Variants in DAGLA observed in about 807,000 individuals in gnomAD.
DAGLA encodes diacylglycerol lipase alpha.
A neutral mutation model predicts 102.6 loss-of-function variants in DAGLA; 22 were observed. That is an observed-to-expected ratio of 0.21 (90% CI 0.15 to 0.31). The LOEUF is 0.31. Ranked by LOEUF, DAGLA falls within the 10% of genes least tolerant of loss-of-function variation. The pLI, the probability that DAGLA is intolerant of heterozygous loss-of-function variation, is 1.00. For missense variants in DAGLA, 927 were observed against 1,446.6 expected (o/e 0.64, Z 5.83); for synonymous variants, 578 against 628.9 (o/e 0.92, Z 1.21).
intron 6 of DAGLA, among the ~76,000 whole-genome samples, chr11:61,727,111 G>A (rs906981090): frequency 1.3e-5 from 2 of 152,228 alleles, no homozygotes; most frequent in African/African-American, 2.4e-5. Flanking sequence ...AGAGCCCCAC[G>A]GCAAAGGTCC....
In DAGLA at chr11:61,741,230, C is replaced by T. The variant is rs373949198; in HGVS notation, c.2052C>T (p.Thr684=). The change falls in exon 19 of 20, where the codon ACC becomes ACT. Residue 684 remains threonine, a synonymous_variant. Coordinates refer to ENST00000257215, the MANE Select transcript of DAGLA (RefSeq NM_006133.3). The part of the protein sequence containing the change: ...LSAAKVMVSP[T]EVDLTPELIF... The stretch of plus-strand genomic sequence containing the variant: ...CAGCCAAGGTCATGGTGAGCCCTAC[C>T]GAGGTGGACCTGACTCCTGAGCTCA... 15 of 1,613,392 alleles carry T rather than the reference C, an allele frequency of 9.3e-6. No homozygotes were observed. The highest frequency in any genetic ancestry group is 5.3e-5 in the African/African-American group (4 of 74,916).
At chr11:61,711,334 G>T (rs965634278) in intron 1 of DAGLA, among the ~76,000 whole-genome samples, 1 of 152,248 alleles carries the variant, frequency 6.6e-6, no homozygotes, top group African/African-American at 2.4e-5. Flanking sequence ...ATGTGGACGT[G>T]TGGGACAAGG....
In DAGLA at chr11:61,745,194, C is replaced by A; in HGVS notation, c.*705C>A. 1 of 153,294 alleles carries A rather than the reference C, an allele frequency of 6.5e-6. No individual in the cohort carries two copies. Among genetic ancestry groups the A allele is most frequent in the Non-Finnish European group, 1.5e-5 (1 of 68,682 alleles). 9.5% of individuals were successfully genotyped at this position (153,294 alleles called of 1,614,324 possible). ...TGTGCCTCTCATGCTGCCTCCTCTG[C>A]CCATGGGTCCTGGGCACCCAGGCCT... On this transcript the variant is annotated 3_prime_UTR_variant, in exon 20 of 20. Coordinates refer to ENST00000257215, the MANE Select transcript of DAGLA (RefSeq NM_006133.3).
chr11:61,702,344 C>G (rs2065115843), intron 1 of DAGLA, among the ~76,000 whole-genome samples: 1 of 152,180 alleles, frequency 6.6e-6, no homozygotes, highest in Non-Finnish European at 1.5e-5. Flanking sequence ...GTGCAAATTC[C>G]TGGCCTCTCT....
At chr11:61,685,024 G>C (rs902602429) in intron 1 of DAGLA, among the ~76,000 whole-genome samples, 3 of 152,098 alleles carry the variant, frequency 2.0e-5, no homozygotes, top group Non-Finnish European at 4.4e-5. Context: ...GTGCTACCTG[G>C]GGGCGTCTCA....
In DAGLA at chr11:61,731,453, T is replaced by G; in HGVS notation, c.974+12T>G. 1 of 1,612,694 alleles carries G rather than the reference T, an allele frequency of 6.2e-7. No homozygotes were observed. Among genetic ancestry groups the G allele is most frequent in the Non-Finnish European group, 8.5e-7 (1 of 1,179,772 alleles). ...GCTCGGTCCTGCTCGTGAGTACCCC[T>G]GTCCCATCCCCCAGCGATTGCACCT... On this transcript the variant is annotated intron_variant, in intron 9 of 19. Transcript: ENST00000257215.
intron 1 of DAGLA, among the ~76,000 whole-genome samples, chr11:61,716,258 A>G (rs1351484317): frequency 2.0e-5 from 3 of 152,122 alleles, no homozygotes; most frequent in Non-Finnish European, 4.4e-5. Flanking sequence ...TAACCGTAAC[A>G]CAGTGTGACC....
At chr11:61,693,313 G>A (rs548762707) in intron 1 of DAGLA, among the ~76,000 whole-genome samples, 1 of 150,372 alleles carries the variant, frequency 6.7e-6, no homozygotes, top group East Asian at 2.0e-4. Flanking sequence ...TAGAGAACTT[G>A]TATTTTTGTA....
chr11:61,723,070 TG>T, intron 4 of DAGLA, 110 bp downstream of exon 4: 1 of 903,240 alleles, frequency 1.1e-6, no homozygotes, highest in Non-Finnish European at 1.8e-6. Flanking sequence ...GTGCCTTCTG[TG>T]GGGGCACCAG....
In DAGLA at chr11:61,743,671, C is replaced by A; in HGVS notation, c.2311C>A (p.Gln771Lys). The A allele has an allele frequency of 6.2e-7, 1 of 1,600,404 alleles. No homozygotes were observed. The highest frequency in any genetic ancestry group is 8.5e-7 in the Non-Finnish European group (1 of 1,176,210). Residue 771 changes from glutamine to lysine, a missense_variant, in exon 20 of 20, where the codon CAG (glutamine) becomes AAG (lysine). Coordinates refer to ENST00000257215, the MANE Select transcript of DAGLA (RefSeq NM_006133.3). ...STQERLAAEL[Q>K]ARRAPLATME... ...CCAGGAGCGGCTGGCGGCGGAGCTG[C>A]AGGCCCGGCGGGCACCACTGGCCAC...
chr11:61,715,846 A>T (rs997407506), intron 1 of DAGLA, among the ~76,000 whole-genome samples: 2 of 152,110 alleles, frequency 1.3e-5, no homozygotes, highest in African/African-American at 2.4e-5. Context: ...TAGTGACATC[A>T]CCCCAGTCTG....
At chr11:61,716,329 G>A (rs972192195) in intron 1 of DAGLA, among the ~76,000 whole-genome samples, 6 of 152,182 alleles carry the variant, frequency 3.9e-5, no homozygotes, top group Non-Finnish European at 7.4e-5. Flanking sequence ...TTTCCCAGGA[G>A]GAGAGTGGGT....
At chr11:61,729,717 A>G (rs1212311086) in intron 8 of DAGLA, among the ~76,000 whole-genome samples, 1 of 152,188 alleles carries the variant, frequency 6.6e-6, no homozygotes, top group East Asian at 1.9e-4. Context: ...TTCCCATCAC[A>G]GTGCCAGGAA....
At position 61,734,896 on chromosome 11, in the gene DAGLA, T is replaced by C. The variant is rs747732982; in HGVS notation, c.1022T>C (p.Ile341Thr). Reference sequence around the variant, plus strand: ...CCGCGGTTCGCCCCTGGAGTCACCATCGAGGAAGACAACTGCTGTGGCTGT... The same window carrying C: ...CCGCGGTTCGCCCCTGGAGTCACCACCGAGGAAGACAACTGCTGTGGCTGT... ...ARPRFAPGVTIEEDNCCGCNA... is the reference protein window; with the variant it reads ...ARPRFAPGVTTEEDNCCGCNA... The change falls in exon 10 of 20, where the codon ATC (isoleucine) becomes ACC (threonine). Residue 341 changes from isoleucine to threonine, a missense_variant. By Grantham distance (89) the Ile-to-Thr change is moderately conservative. Transcript: ENST00000257215. This position sits in a 1 kb window ranked among gnomAD's most constrained non-coding sequence, Gnocchi z 4.2. 4.3e-6 allele frequency: 7 copies of C among 1,614,086 alleles called. No individual in the cohort carries two copies. The East Asian group carries it at 1.3e-4, about 31-fold the overall frequency.
At chr11:61,735,885 A>G (rs1362705197) in intron 12 of DAGLA, 69 bp downstream of exon 12, 1 of 1,430,456 alleles carries the variant, frequency 7.0e-7, no homozygotes. Flanking sequence ...AGAGGCGTGT[A>G]TGGTTGGGGG....
At chr11:61,723,093 G>A (rs2065297905) in intron 4 of DAGLA, 133 bp downstream of exon 4, 1 of 770,600 alleles carries the variant, frequency 1.3e-6, no homozygotes, top group African/African-American at 1.7e-5. Flanking sequence ...AGGTTGGCTG[G>A]GCGAGACTGC....
intron 6 of DAGLA, among the ~76,000 whole-genome samples, chr11:61,727,056 C>G (rs1460298348): frequency 6.6e-6 from 1 of 152,198 alleles, no homozygotes; most frequent in Non-Finnish European, 1.5e-5. Context: ...ACGGGCAGAG[C>G]TGGGGCTGTT....
At chr11:61,713,663 G>A (rs745333913) in intron 1 of DAGLA, among the ~76,000 whole-genome samples, 2 of 152,198 alleles carry the variant, frequency 1.3e-5, no homozygotes, top group Non-Finnish European at 1.5e-5. Flanking sequence ...CCAGCCCAGC[G>A]AGGCCAGACA....
intron 1 of DAGLA, among the ~76,000 whole-genome samples, chr11:61,715,259 A>G (rs970390744): frequency 5.9e-5 from 9 of 152,176 alleles, no homozygotes; most frequent in Non-Finnish European, 8.8e-5. Context: ...GTGCTCAGCT[A>G]ATGTCAGATG....
Sources: allele counts gnomAD v4.1 joint callset (sites outside exome capture counted in the v4.1 genomes callset), GRCh38; gene constraint gnomAD v4.1.1; non-coding constraint Gnocchi (gnomAD v3.1); transcripts MANE v1.5; gene names NCBI Gene and HGNC (gene_info 2026-07-23, HGNC 2026-07-21).